EVI5: variants seen among roughly 807,000 people sequenced by gnomAD.
EVI5 encodes the protein ecotropic viral integration site 5 protein homolog.
Under a neutral mutation model 112.0 loss-of-function variants are expected in EVI5, and 73 were observed. The observed-to-expected ratio is 0.65, with a 90% CI of 0.54 to 0.79. The LOEUF (loss-of-function observed/expected upper bound fraction) is 0.79. Among genes scored for constraint, EVI5 ranks in the 30% least tolerant of loss-of-function variants. The pLI, the probability that EVI5 is intolerant of heterozygous loss-of-function variation, is 0.00. For synonymous variants in EVI5, 305 were observed against 319.9 expected (o/e 0.95, Z 0.50); for missense variants, 900 against 968.8 (o/e 0.93, Z 0.94).
At chr1:92,678,698 A>AT (rs1048350287) in intron 9 of EVI5, among the ~76,000 whole-genome samples, 5 of 152,004 alleles carry the variant, frequency 3.3e-5, no homozygotes, top group East Asian at 3.9e-4. Flanking sequence ...GTACCACCAA[A>AT]TTTTTTTTAT....
intron 18 of EVI5, among the ~76,000 whole-genome samples, chr1:92,599,181 A>G (rs1648584729): frequency 6.6e-6 from 1 of 151,964 alleles, no homozygotes; most frequent in African/African-American, 2.4e-5. Flanking sequence ...GATGTTTACA[A>G]AAGTATAATT....
At chr1:92,606,345 AAT>A (rs1650377413) in intron 17 of EVI5, among the ~76,000 whole-genome samples, 1 of 152,186 alleles carries the variant, frequency 6.6e-6, no homozygotes, top group African/African-American at 2.4e-5. Context: ...CCATTATCAA[AAT>A]ATGTTTAAGG....
chr1:92,589,317 C>T (rs1428295659), intron 18 of EVI5, among the ~76,000 whole-genome samples: 1 of 152,174 alleles, frequency 6.6e-6, no homozygotes, highest in Non-Finnish European at 1.5e-5. Flanking sequence ...TAGGACGAGG[C>T]ATCACCTCAC....
intron 19 of EVI5, among the ~76,000 whole-genome samples, chr1:92,548,212 T>C (rs1173533093): frequency 2.6e-5 from 4 of 152,196 alleles, no homozygotes; most frequent in Non-Finnish European, 5.9e-5. Context: ...TCAATAAATG[T>C]AATCCAGTAT....
At chr1:92,668,254 T>C (rs1460079648) in intron 10 of EVI5, among the ~76,000 whole-genome samples, 4 of 152,212 alleles carry the variant, frequency 2.6e-5, no homozygotes, top group African/African-American at 7.2e-5. Flanking sequence ...GACATTATGA[T>C]ATACAGGAAA....
At chr1:92,596,322 C>G (rs559414650) in intron 18 of EVI5, among the ~76,000 whole-genome samples, 1 of 152,072 alleles carries the variant, frequency 6.6e-6, no homozygotes, top group Non-Finnish European at 1.5e-5. Flanking sequence ...ACTGCGCCAC[C>G]GCATTACAGC....
In EVI5 at chr1:92,688,421, AG is replaced by A. The variant is rs576837978; in HGVS notation, c.1097+5380del. On this transcript the variant is annotated intron_variant, in intron 9 of 19. Transcript: ENST00000684568. ...TCCATTTTTCTTGCTTTGCTCTCTC[AG>A]GGGATGCTCTCTCAGGGGATACTCC... 2.7e-3 allele frequency among the ~76,000 whole-genome samples: 407 copies of A among 152,272 alleles called. 3 individuals are homozygous for A. Among genetic ancestry groups the A allele is most frequent in the African/African-American group, 9.3e-3 (385 of 41,550 alleles).
chr1:92,785,154 C>T (rs542168280), upstream of EVI5: 16 of 973,784 alleles, frequency 1.6e-5, no homozygotes, highest in South Asian at 7.6e-4. Context: ...GCAGCCTCTA[C>T]CGCAGAATGG....
At chr1:92,748,058 A>G (rs977565601) in intron 1 of EVI5, among the ~76,000 whole-genome samples, 1 of 152,162 alleles carries the variant, frequency 6.6e-6, no homozygotes, top group African/African-American at 2.4e-5. Flanking sequence ...GGACTTCAAC[A>G]TATCTTTTTG....
chr1:92,693,773 A>T, intron 9 of EVI5, 29 bp downstream of exon 9: 1 of 1,263,598 alleles, frequency 7.9e-7, no homozygotes. Context: ...ACTTCCACTG[A>T]ATTTCCAACA....
intron 2 of EVI5, among the ~76,000 whole-genome samples, chr1:92,705,141 GT>G (rs1245029671): frequency 6.6e-6 from 1 of 152,140 alleles, no homozygotes; most frequent in East Asian, 1.9e-4. Flanking sequence ...TTTACAATGT[GT>G]CTAAGGCTTA....
intron 13 of EVI5, among the ~76,000 whole-genome samples, chr1:92,649,789 C>T (rs994364799): frequency 6.6e-6 from 1 of 151,994 alleles, no homozygotes; most frequent in Non-Finnish European, 1.5e-5. Flanking sequence ...TCGAGCCTGG[C>T]GACAGAGAAA....
intron 19 of EVI5, among the ~76,000 whole-genome samples, chr1:92,551,061 G>A (rs1312026384): frequency 1.3e-4 from 1 of 7,818 alleles, no homozygotes. Flanking sequence ...TTTTTTTTTT[G>A]AGACTTAGTC....
intron 2 of EVI5, among the ~76,000 whole-genome samples, chr1:92,724,105 T>G (rs552702630): frequency 5.3e-5 from 8 of 152,304 alleles, no homozygotes; most frequent in African/African-American, 1.9e-4. Context: ...CCTTGCCTTG[T>G]GATCTTTATT....
intron 16 of EVI5, among the ~76,000 whole-genome samples, chr1:92,621,931 G>A (rs2101751831): frequency 6.6e-6 from 1 of 151,900 alleles, no homozygotes; most frequent in East Asian, 2.0e-4. Context: ...GACTAGCCTG[G>A]CCAACATGGT....
intron 19 of EVI5, among the ~76,000 whole-genome samples, chr1:92,514,959 T>C (rs1242053996): frequency 6.6e-6 from 1 of 152,230 alleles, no homozygotes; most frequent in Admixed American, 6.5e-5. Context: ...GGGAGAGGAA[T>C]GCTGCTTCCC....
chr1:92,739,709 G>C (rs1414484669), intron 1 of EVI5, among the ~76,000 whole-genome samples: 1 of 151,886 alleles, frequency 6.6e-6, no homozygotes, highest in Non-Finnish European at 1.5e-5. Flanking sequence ...TTTATTAAAA[G>C]GATGCTCTTA....
chr1:92,563,867 C>T (rs1490756902), intron 18 of EVI5, 130 bp from the exon 19 acceptor site: 2 of 478,038 alleles, frequency 4.2e-6, no homozygotes, highest in African/African-American at 3.9e-5. Flanking sequence ...CAAATCCATT[C>T]TCAAACTACC....
rs141081797 is a variant in EVI5 at position 92,710,896 on chromosome 1, T to G, written c.150-6152A>C. Reference sequence around the variant, plus strand: ...CTAATGGGTGGGACTGGGGAATAAGTTGAGAACAAGAAAATATTCCAGCAT... The same window carrying G: ...CTAATGGGTGGGACTGGGGAATAAGGTGAGAACAAGAAAATATTCCAGCAT... On this transcript the variant is annotated intron_variant, in intron 2 of 19. Coordinates refer to ENST00000684568, the MANE Select transcript of EVI5 (RefSeq NM_001350197.2). Among the ~76,000 whole-genome samples the G allele has an allele frequency of 2.1e-3, 315 of 152,292 alleles. 5 individuals are homozygous for G. The highest frequency in any genetic ancestry group is 7.3e-3 in the African/African-American group (303 of 41,548).
Sources: gnomAD v4.1 joint callset for allele counts (sites outside exome capture counted in the v4.1 genomes callset) on GRCh38, gnomAD v4.1.1 for gene constraint, MANE v1.5 for transcripts, NCBI Gene and HGNC (gene_info 2026-07-23, HGNC 2026-07-21) for gene names.